QTGAL: variants seen among roughly 807,000 people sequenced by gnomAD.
QTGAL encodes the protein BGnT-like protein 1.
the QTGAL span, among the ~76,000 whole-genome samples, chr17:82,994,698 A>T: frequency 2.6e-5 from 4 of 152,192 alleles, no homozygotes; most frequent in African/African-American, 9.7e-5. Flanking sequence ...TCACTCTACA[A>T]GACCAATTTT....
chr17:83,008,922 C>A, the QTGAL span, among the ~76,000 whole-genome samples: 8 of 152,200 alleles, frequency 5.3e-5, no homozygotes, highest in Admixed American at 2.0e-4. Context: ...GTGAGGATGC[C>A]TGCGAATGGA....
the QTGAL span, chr17:82,947,014 G>A: frequency 1.8e-4 from 284 of 1,546,008 alleles, no homozygotes; most frequent in South Asian, 3.5e-4. Flanking sequence ...AGCTCAGTCC[G>A]GTCTCCTGGC....
At chr17:82,945,301 T>G in the QTGAL span, 5 of 152,238 alleles carry the variant, frequency 3.3e-5, no homozygotes, top group African/African-American at 1.2e-4. Flanking sequence ...TGTCTAACCT[T>G]TGGGTAATTG....
the QTGAL span, among the ~76,000 whole-genome samples, chr17:83,041,109 A>C: frequency 2.6e-5 from 4 of 152,138 alleles, no homozygotes; most frequent in Admixed American, 2.0e-4. Flanking sequence ...CAAATTACTA[A>C]AATTTTACTG....
chr17:83,034,076 G>T, the QTGAL span, among the ~76,000 whole-genome samples: 1 of 152,074 alleles, frequency 6.6e-6, no homozygotes, highest in Non-Finnish European at 1.5e-5. Context: ...AAGTAGCTGG[G>T]ATTACAGGCG....
At chr17:82,942,316 G>A in the QTGAL span, 3 of 1,341,366 alleles carry the variant, frequency 2.2e-6, no homozygotes, top group Non-Finnish European at 3.1e-6. Flanking sequence ...CGGGTGTGTG[G>A]GAAACGGCAC....
chr17:83,021,632 T>C, the QTGAL span, among the ~76,000 whole-genome samples: 1 of 152,214 alleles, frequency 6.6e-6, no homozygotes, highest in Admixed American at 6.5e-5. Flanking sequence ...ATCAGCAGGC[T>C]TGACCAGTTC....
the QTGAL span, among the ~76,000 whole-genome samples, chr17:83,024,559 G>A: frequency 8.6e-4 from 131 of 152,258 alleles, no homozygotes; most frequent in African/African-American, 3.0e-3. Flanking sequence ...TGTAGAGACC[G>A]GGCTCTCTGT....
chr17:83,028,134 C>T, the QTGAL span, among the ~76,000 whole-genome samples: 13 of 151,834 alleles, frequency 8.6e-5, no homozygotes, highest in Non-Finnish European at 1.3e-4. Flanking sequence ...TGCACGCTCC[C>T]GGCTCTGGTC....
the QTGAL span, among the ~76,000 whole-genome samples, chr17:83,015,273 A>T: frequency 1.3e-5 from 2 of 152,118 alleles, no homozygotes; most frequent in South Asian, 4.2e-4. This position sits in a 1 kb window ranked among gnomAD's most constrained non-coding sequence, Gnocchi z 4.4. Flanking sequence ...TGTGGAGGGG[A>T]CCGTCTGGCA....
chr17:83,034,777 G>C, the QTGAL span, among the ~76,000 whole-genome samples: 1 of 152,176 alleles, frequency 6.6e-6, no homozygotes, highest in Non-Finnish European at 1.5e-5. Flanking sequence ...CTCTCTCATC[G>C]GCCGCCACGT....
the QTGAL span, among the ~76,000 whole-genome samples, chr17:82,976,222 G>C: frequency 1.3e-5 from 1 of 74,074 alleles, no homozygotes; most frequent in Non-Finnish European, 2.5e-5. Context: ...CCCCGGGACA[G>C]AGCCGGACTC....
the QTGAL span, among the ~76,000 whole-genome samples, chr17:82,964,693 C>T: frequency 1.7e-4 from 22 of 128,298 alleles, 1 homozygote; most frequent in Admixed American, 8.2e-4. Context: ...GGGACACAGA[C>T]GCCTGCAGGT....
the QTGAL span, among the ~76,000 whole-genome samples, chr17:82,968,765 T>G: frequency 6.6e-6 from 1 of 152,166 alleles, no homozygotes; most frequent in Admixed American, 6.5e-5. Context: ...TTTTGGAGGC[T>G]GAGGCGGGCG....
At chr17:82,959,590 G>T in the QTGAL span, among the ~76,000 whole-genome samples, 14 of 152,006 alleles carry the variant, frequency 9.2e-5, no homozygotes, top group African/African-American at 3.4e-4. Flanking sequence ...GGTGTGTTGG[G>T]TGTCTCGGGG....
chr17:83,009,036 A>G, the QTGAL span, among the ~76,000 whole-genome samples: 1 of 152,102 alleles, frequency 6.6e-6, no homozygotes, highest in African/African-American at 2.4e-5. Flanking sequence ...CATCACACAG[A>G]AGGAAACTCA....
At chr17:83,027,041 G>GAC in the QTGAL span, among the ~76,000 whole-genome samples, 1 of 139,358 alleles carries the variant, frequency 7.2e-6, no homozygotes, top group East Asian at 2.3e-4. Context: ...ACCCACCCTC[G>GAC]ACAGACACGC....
chr17:83,027,008 C>CT, the QTGAL span, among the ~76,000 whole-genome samples: 3 of 120,470 alleles, frequency 2.5e-5, no homozygotes, highest in East Asian at 5.3e-4. Context: ...ACACACAGAG[C>CT]GGGGCAGGGA....
At chr17:82,970,597 C>CGGCGTGGCCGCGACCTCCCCACCT in the QTGAL span, among the ~76,000 whole-genome samples, 1 of 118,732 alleles carries the variant, frequency 8.4e-6, no homozygotes. Context: ...CCTCCGCACC[C>CGGCGTGGCCGCGACCTCCCCACCT]GGCGTGGCCG....
Sources: gnomAD v4.1 joint callset for allele counts (sites outside exome capture counted in the v4.1 genomes callset) on GRCh38, gnomAD v4.1.1 for gene constraint, Gnocchi (gnomAD v3.1) non-coding constraint, MANE v1.5 for transcripts, NCBI Gene and HGNC (gene_info 2026-07-23, HGNC 2026-07-21) for gene names.